Variants in PARVB observed in about 807,000 individuals in gnomAD.
The protein encoded by PARVB is parvin beta, also known as beta-parvin.
PARVB carries 46 observed loss-of-function variants against 47.0 expected under a neutral mutation model. The observed-to-expected ratio is 0.98, with a 90% CI of 0.77 to 1.25. The LOEUF is 1.25. Ranked by LOEUF, PARVB falls within the 50% of genes most tolerant of loss-of-function variation. The pLI is 0.00. For synonymous variants in PARVB, 196 were observed against 196.3 expected (o/e 1.00, Z 0.01); for missense variants, 473 against 471.6 (o/e 1.00, Z -0.03).
In PARVB at chr22:44,155,918, C is replaced by T. The variant is rs141066854; in HGVS notation, c.844-2064C>T. ...CTGCAATCCTAGCACTTTGGGTGGC[C>T]GAGGTGGGTGGATCATGAGGTCAGG... is the stretch of plus-strand genomic sequence containing the variant. On this transcript the variant is annotated intron_variant, in intron 10 of 12. Coordinates refer to ENST00000338758, the MANE Select transcript of PARVB (RefSeq NM_013327.5). This position sits in a 1 kb window ranked among gnomAD's most constrained non-coding sequence, Gnocchi z 4.8. Among the ~76,000 whole-genome samples the T allele has an allele frequency of 0.011, 1,679 of 152,072 alleles. 26 individuals carry two copies. Among genetic ancestry groups the T allele is most frequent in the African/African-American group, 0.037 (1,554 of 41,474 alleles).
chr22:44,015,857 C>T (rs1237907768), intron 2 of PARVB, among the ~76,000 whole-genome samples: 1 of 152,112 alleles, frequency 6.6e-6, no homozygotes, highest in African/African-American at 2.4e-5. Flanking sequence ...AGGGTGCAGA[C>T]AGCCAACTTT....
At chr22:44,009,241 C>T (rs1346015692) in intron 2 of PARVB, among the ~76,000 whole-genome samples, 1 of 152,146 alleles carries the variant, frequency 6.6e-6, no homozygotes, top group Non-Finnish European at 1.5e-5. Context: ...TAATGAGCTA[C>T]AGTAGGTATG....
At chr22:44,136,576 C>T in intron 7 of PARVB, 58 bp downstream of exon 7, 1 of 1,430,118 alleles carries the variant, frequency 7.0e-7, no homozygotes, top group East Asian at 2.3e-5. Context: ...AGTGGGACCC[C>T]AGGCTGCCAC....
intron 4 of PARVB, among the ~76,000 whole-genome samples, 196 bp from the exon 5 acceptor site, chr22:44,131,291 G>A (rs796626393): frequency 2.0e-5 from 3 of 151,564 alleles, no homozygotes; most frequent in East Asian, 1.9e-4. Context: ...ACATGTGTGC[G>A]CCACCACGCC....
rs1345336192 is a variant in PARVB at position 44,163,921 on chromosome 22, C to G, written c.1009C>G (p.Arg337Gly). Residue 337 changes from arginine (R) to glycine (G), a missense_variant, in exon 12 of 13, where the codon CGT becomes GGT. Transcript: ENST00000338758. ...CGGAGGCCTCAAGAAACCCAAGGCT[C>G]GTCCTGAAGGTAATGCCCCTGGCTC... ...LDGGLKKPKA[R>G]PEDVVNLDLK... The G allele has an allele frequency of 6.2e-7, 1 of 1,609,346 alleles. No individual in the cohort carries two copies. The highest frequency in any genetic ancestry group is 2.2e-5 in the East Asian group (1 of 44,680).
chr22:44,069,983 G>A (rs1026761725), intron 1 of PARVB, among the ~76,000 whole-genome samples: 6 of 152,214 alleles, frequency 3.9e-5, no homozygotes, highest in Middle Eastern at 3.2e-3. Context: ...GCATGCCTGG[G>A]AGTGAGCCCA....
At chr22:44,021,591 G>C (rs909795191), upstream of PARVB, among the ~76,000 whole-genome samples, 1 of 152,138 alleles carries the variant, frequency 6.6e-6, no homozygotes, top group East Asian at 1.9e-4. Context: ...TATTGCTATA[G>C]TCACTGAGGA....
intron 1 of PARVB, among the ~76,000 whole-genome samples, chr22:44,066,072 C>G (rs130307): frequency 0.5 from 76,185 of 152,024 alleles, 19,385 homozygotes; most frequent in East Asian, 0.76. Flanking sequence ...TTCTTAAAAG[C>G]TGCTAAAAAG....
chr22:44,163,791 C>A (rs1601708108), intron 11 of PARVB, 67 bp from the exon 12 acceptor site: 1 of 1,333,800 alleles, frequency 7.5e-7, no homozygotes, highest in Non-Finnish European at 1.1e-6. Context: ...GGCTGTCCTC[C>A]AGCAGTGGGC....
In PARVB at chr22:44,049,894, G is replaced by A. The variant is rs529345872; in HGVS notation, c.112+25443G>A. On this transcript the variant is annotated intron_variant, in intron 1 of 12. Coordinates refer to ENST00000338758, the MANE Select transcript of PARVB (RefSeq NM_013327.5). The surrounding 1 kb of genome is among the most constrained non-coding windows in gnomAD (Gnocchi z 4.0). ...TCTGTGTGGCTCTGGTGGGGAGTGT[G>A]TCTCGATGTTGTACTGTGAATAAGC... 3.2e-4 allele frequency among the ~76,000 whole-genome samples: 48 copies of A among 152,336 alleles called. No individual in the cohort carries two copies. The South Asian group carries it at 9.1e-3, about 29-fold the overall frequency.
At chr22:44,040,735 G>A (rs989069701) in intron 1 of PARVB, among the ~76,000 whole-genome samples, 7 of 152,150 alleles carry the variant, frequency 4.6e-5, no homozygotes, top group African/African-American at 1.7e-4. Context: ...TCGTATGGAG[G>A]CCGGGCGCGG....
chr22:44,037,893 A>G (rs1452572136), intron 1 of PARVB, among the ~76,000 whole-genome samples: 1 of 152,028 alleles, frequency 6.6e-6, no homozygotes, highest in Non-Finnish European at 1.5e-5. Context: ...GCTTCATGCT[A>G]CTCCAGGACC....
chr22:44,026,015 C>G (rs952844047), intron 1 of PARVB, among the ~76,000 whole-genome samples: 7 of 152,190 alleles, frequency 4.6e-5, no homozygotes, highest in African/African-American at 1.7e-4. Context: ...CAGGGGAGGC[C>G]TCTGAGGAGG....
intron 1 of PARVB, among the ~76,000 whole-genome samples, chr22:44,056,706 A>G (rs1320668533): frequency 1.3e-5 from 2 of 151,160 alleles, no homozygotes; most frequent in African/African-American, 2.4e-5. Flanking sequence ...GGGTTTCACT[A>G]TGTTGCCCAG....
intron 2 of PARVB, among the ~76,000 whole-genome samples, chr22:44,011,835 G>A (rs778732278): frequency 5.3e-5 from 8 of 151,918 alleles, no homozygotes; most frequent in Non-Finnish European, 4.4e-5. Flanking sequence ...CCCTACCCCC[G>A]TCATCATTCT....
At chr22:44,116,512 G>A (rs1457828303) in intron 3 of PARVB, among the ~76,000 whole-genome samples, 2 of 152,340 alleles carry the variant, frequency 1.3e-5, no homozygotes, top group South Asian at 2.1e-4. Context: ...TGTCACCAGA[G>A]CCTGGTCCGC....
chr22:44,052,034 C>G (rs1268238990), intron 1 of PARVB, among the ~76,000 whole-genome samples: 1 of 152,206 alleles, frequency 6.6e-6, no homozygotes, highest in Non-Finnish European at 1.5e-5. Context: ...TCTGCCGACA[C>G]CTTGATCTCA....
chr22:44,032,126 A>G (rs190725667), intron 1 of PARVB, among the ~76,000 whole-genome samples: 1 of 152,344 alleles, frequency 6.6e-6, no homozygotes, highest in Non-Finnish European at 1.5e-5. Flanking sequence ...TGTCTTGGTA[A>G]AAGAAGGCGG....
chr22:43,999,385 A>C, exon 1 of PARVB: 1 of 1,610,990 alleles, frequency 6.2e-7, no homozygotes, highest in Non-Finnish European at 8.5e-7. Flanking sequence ...AGAAAAGGGG[A>C]TTCCTTAGTC....
Sources: allele counts gnomAD v4.1 joint callset (sites outside exome capture counted in the v4.1 genomes callset), GRCh38; gene constraint gnomAD v4.1.1; non-coding constraint Gnocchi (gnomAD v3.1); transcripts MANE v1.5; gene names NCBI Gene and HGNC (gene_info 2026-07-23, HGNC 2026-07-21).